ADGRB3: variants seen among roughly 807,000 people sequenced by gnomAD.
The protein encoded by ADGRB3 is adhesion G protein-coupled receptor B3.
Under a neutral mutation model 193.4 loss-of-function variants are expected in ADGRB3, and 37 were observed. The observed-to-expected ratio is 0.19, with a 90% CI of 0.15 to 0.25. The LOEUF (loss-of-function observed/expected upper bound fraction) is 0.25. Ranked by LOEUF, ADGRB3 falls within the 10% of genes least tolerant of loss-of-function variation. The pLI is 1.00. For missense variants in ADGRB3, 1,637 were observed against 1,852.9 expected (o/e 0.88, Z 2.14); for synonymous variants, 690 against 644.2 (o/e 1.07, Z -1.08).
At chr6:69,296,684 G>C (rs903345555) in intron 20 of ADGRB3, among the ~76,000 whole-genome samples, 2 of 152,062 alleles carry the variant, frequency 1.3e-5, no homozygotes, top group African/African-American at 4.8e-5. Context: ...TACTTACCAA[G>C]CTTTTATTTC....
At chr6:69,141,127 T>TGGGG (rs1305388130) in intron 17 of ADGRB3, among the ~76,000 whole-genome samples, 5 of 57,678 alleles carry the variant, frequency 8.7e-5, no homozygotes, top group Admixed American at 1.9e-4. Context: ...TTCTTTTTTT[T>TGGGG]TGGGGGGGGC....
intron 17 of ADGRB3, among the ~76,000 whole-genome samples, chr6:69,171,714 CA>C (rs138989879): frequency 0.018 from 2,730 of 152,172 alleles, 80 homozygotes; most frequent in African/African-American, 0.062. Flanking sequence ...GAATTTTAGG[CA>C]GTCATCTTGC....
At position 69,019,347 on chromosome 6, in the gene ADGRB3, T is replaced by C. The variant is rs562411515; in HGVS notation, c.2107+848T>C. On this transcript the variant is annotated intron_variant, in intron 13 of 31. Coordinates refer to ENST00000370598, the MANE Select transcript of ADGRB3 (RefSeq NM_001704.3). ...ATAAAGATATTTTGCCCTATATTCG[T>C]ATTCACAGATATTTATGCTTTAGTT... Among the ~76,000 whole-genome samples the C allele has an allele frequency of 7.2e-5, 11 of 152,154 alleles. No individual in the cohort carries two copies. The East Asian group carries it at 1.9e-3, about 27-fold the overall frequency.
intron 20 of ADGRB3, among the ~76,000 whole-genome samples, chr6:69,240,576 A>G (rs1766364452): frequency 3.3e-5 from 5 of 152,018 alleles, no homozygotes; most frequent in Admixed American, 3.3e-4. Flanking sequence ...AGGGATGCCA[A>G]TCAGAATTGG....
At chr6:69,074,323 A>G (rs1772163989) in intron 16 of ADGRB3, among the ~76,000 whole-genome samples, 1 of 152,122 alleles carries the variant, frequency 6.6e-6, no homozygotes, top group African/African-American at 2.4e-5. Flanking sequence ...TATTTCTAGC[A>G]AAAATTTAGA....
At chr6:69,366,477 G>T (rs1408642385) in intron 29 of ADGRB3, among the ~76,000 whole-genome samples, 3 of 152,122 alleles carry the variant, frequency 2.0e-5, no homozygotes, top group African/African-American at 4.8e-5. Context: ...AAATAATGAA[G>T]TATTCCCTTT....
chr6:68,703,721 C>G (rs1014038555), intron 3 of ADGRB3, among the ~76,000 whole-genome samples: 1 of 152,158 alleles, frequency 6.6e-6, no homozygotes, highest in Non-Finnish European at 1.5e-5. Context: ...CTCCCGGATT[C>G]AAGCAATTCT....
chr6:68,831,653 A>G (rs1447124489), intron 3 of ADGRB3, among the ~76,000 whole-genome samples: 1 of 152,106 alleles, frequency 6.6e-6, no homozygotes, highest in Non-Finnish European at 1.5e-5. Flanking sequence ...TTGCCAGGAG[A>G]GGTAGTAAGA....
At chr6:69,280,559 A>G (rs1457554039) in intron 20 of ADGRB3, among the ~76,000 whole-genome samples, 1 of 152,210 alleles carries the variant, frequency 6.6e-6, no homozygotes, top group Non-Finnish European at 1.5e-5. Flanking sequence ...AGATAATAAT[A>G]AATCTACTTC....
At chr6:68,928,084 G>T (rs10080271) in intron 3 of ADGRB3, among the ~76,000 whole-genome samples, 3,407 of 152,114 alleles carry the variant, frequency 0.022, 151 homozygotes, top group African/African-American at 0.078. Flanking sequence ...AATTTAATTT[G>T]CATTACACAT....
At chr6:68,840,657 C>A (rs993869998) in intron 3 of ADGRB3, among the ~76,000 whole-genome samples, 5 of 151,504 alleles carry the variant, frequency 3.3e-5, no homozygotes, top group African/African-American at 4.9e-5. Context: ...AATAGAGAAC[C>A]AGGTAGATTC....
intron 13 of ADGRB3, among the ~76,000 whole-genome samples, chr6:69,040,065 T>C (rs544865711): frequency 1.3e-5 from 2 of 152,212 alleles, no homozygotes; most frequent in African/African-American, 4.8e-5. Flanking sequence ...GAGATAATTA[T>C]ATTTATATAT....
intron 17 of ADGRB3, among the ~76,000 whole-genome samples, chr6:69,136,950 C>T (rs553138490): frequency 1.3e-5 from 2 of 152,060 alleles, no homozygotes; most frequent in East Asian, 3.9e-4. Context: ...GATTTCAATC[C>T]CTCACTGGTG....
chr6:69,235,144 T>C lies in ADGRB3; in HGVS notation c.2711+9T>C. 1 of 1,566,252 alleles carries C rather than the reference T, an allele frequency of 6.4e-7. No homozygotes were observed. The highest frequency in any genetic ancestry group is 1.7e-5 in the Admixed American group (1 of 59,208). On this transcript the variant is annotated intron_variant, in intron 19 of 31. Coordinates refer to ENST00000370598, the MANE Select transcript of ADGRB3 (RefSeq NM_001704.3). ...TATGCAGCATTATGGAGGTAAGTAA[T>C]CAATTGATAGACCTGAAATGCAATG...
chr6:69,175,187 C>T (rs1016271350), intron 17 of ADGRB3, among the ~76,000 whole-genome samples: 2 of 152,014 alleles, frequency 1.3e-5, no homozygotes, highest in Admixed American at 6.6e-5. Flanking sequence ...AATTCTTTCC[C>T]AAGTTTGATG....
At chr6:68,956,935 A>G (rs928847928) in intron 8 of ADGRB3, 126 bp downstream of exon 8, 3 of 1,071,646 alleles carry the variant, frequency 2.8e-6, no homozygotes, top group Non-Finnish European at 3.9e-6. Flanking sequence ...ATAGGTGGCA[A>G]TTTACTTGTT....
At chr6:68,767,136 T>C (rs1265263156) in intron 3 of ADGRB3, among the ~76,000 whole-genome samples, 2 of 152,154 alleles carry the variant, frequency 1.3e-5, no homozygotes, top group Non-Finnish European at 2.9e-5. Flanking sequence ...TCTAGAGGTA[T>C]AAATCATTTG....
chr6:69,229,579 T>C (rs1766090623), intron 17 of ADGRB3, among the ~76,000 whole-genome samples: 1 of 152,192 alleles, frequency 6.6e-6, no homozygotes, highest in Non-Finnish European at 1.5e-5. Context: ...ATGAAGAGAA[T>C]AAACAGTTTT....
intron 16 of ADGRB3, among the ~76,000 whole-genome samples, chr6:69,063,247 T>G (rs1308178830): frequency 2.0e-5 from 3 of 152,006 alleles, no homozygotes; most frequent in African/African-American, 7.2e-5. Flanking sequence ...AATGAGTATA[T>G]GTATTATAAA....
Sources: allele counts gnomAD v4.1 joint callset (sites outside exome capture counted in the v4.1 genomes callset), GRCh38; gene constraint gnomAD v4.1.1; transcripts MANE v1.5; gene names NCBI Gene and HGNC (gene_info 2026-07-23, HGNC 2026-07-21).